Variants in PPFIBP2 observed in about 807,000 individuals in gnomAD.
PPFIBP2 encodes the protein PPFIB scaffold protein 2, also known as liprin-beta-2.
In PPFIBP2, 118 loss-of-function variants were observed where a neutral mutation model predicts 118.3. The observed-to-expected ratio is 1.00, with a 90% CI of 0.86 to 1.16. PPFIBP2 has a LOEUF of 1.16. Among genes scored for constraint, PPFIBP2 ranks in the 50% most tolerant of loss-of-function variants. The probability of loss-of-function intolerance (pLI) is 0.00; values close to 1 mark genes in which losing one functional copy is unlikely to be tolerated. For missense variants in PPFIBP2, 1,195 were observed against 1,073.1 expected, an observed-to-expected ratio of 1.11 and a Z score of -1.59; for synonymous variants, 414 against 397.4, an observed-to-expected ratio of 1.04 and a Z score of -0.50.
chr11:7,545,450 C>T (rs1215427563), intron 1 of PPFIBP2, among the ~76,000 whole-genome samples: 2 of 152,050 alleles, frequency 1.3e-5, no homozygotes, highest in African/African-American at 4.8e-5. Context: ...AAAAACAAAA[C>T]AAAACAAAAA....
At chr11:7,652,983 C>T in intron 23 of PPFIBP2, 41 bp from the exon 24 acceptor site, 1 of 1,575,036 alleles carries the variant, frequency 6.3e-7, no homozygotes, top group East Asian at 2.2e-5. Context: ...TGCACACTGC[C>T]TTGATTGCCT....
intron 3 of PPFIBP2, among the ~76,000 whole-genome samples, chr11:7,580,982 T>C (rs1252534933): frequency 6.6e-6 from 1 of 152,038 alleles, no homozygotes; most frequent in African/African-American, 2.4e-5. Context: ...CAGATCAAGG[T>C]CTCAAACCAA....
intron 3 of PPFIBP2, chr11:7,577,514 A>G: frequency 4.4e-6 from 2 of 455,418 alleles, no homozygotes; most frequent in Non-Finnish European, 4.4e-6. Flanking sequence ...GAGGCAAGGA[A>G]GAGGAGAGAA....
the PPFIBP2 span, chr11:7,665,995 C>G: frequency 7.8e-7 from 1 of 1,285,434 alleles, no homozygotes; most frequent in African/African-American, 1.5e-5. Flanking sequence ...CTGTGGGGTG[C>G]TCTGTGCACA....
intron 10 of PPFIBP2, 24 bp from the exon 11 acceptor site, chr11:7,630,901 G>T (rs369602709): frequency 2.6e-6 from 4 of 1,549,348 alleles, no homozygotes; most frequent in East Asian, 2.2e-5. Context: ...CAACAATTCA[G>T]TCTTACTACC....
chr11:7,665,066 T>C, the PPFIBP2 span: 63,784 of 208,332 alleles, frequency 0.31, 11,525 homozygotes, highest in Non-Finnish European at 0.39. Context: ...CCTGACTGCC[T>C]AGCACGTCCC....
intron 5 of PPFIBP2, among the ~76,000 whole-genome samples, chr11:7,603,303 C>CT (rs1392755543): frequency 1.3e-5 from 2 of 152,174 alleles, no homozygotes; most frequent in African/African-American, 4.8e-5. Context: ...AAAGTAGATA[C>CT]TTTAACTCCA....
intron 6 of PPFIBP2, among the ~76,000 whole-genome samples, chr11:7,618,471 A>AT (rs1219060313): frequency 6.6e-6 from 1 of 152,124 alleles, no homozygotes; most frequent in Non-Finnish European, 1.5e-5. Flanking sequence ...TCTGATTCTG[A>AT]TATCAGCTGG....
At chr11:7,599,561 G>A (rs1305315649) in intron 5 of PPFIBP2, among the ~76,000 whole-genome samples, 1 of 151,804 alleles carries the variant, frequency 6.6e-6, no homozygotes, top group Non-Finnish European at 1.5e-5. Flanking sequence ...GGGAGAGGCT[G>A]TCTAGTTCCT....
chr11:7,577,506 G>A, intron 3 of PPFIBP2: 1 of 454,014 alleles, frequency 2.2e-6, no homozygotes, highest in Non-Finnish European at 4.4e-6. Flanking sequence ...AGGGGGCAGA[G>A]GCAAGGAAGA....
intron 2 of PPFIBP2, among the ~76,000 whole-genome samples, chr11:7,564,681 G>T (rs1017900294): frequency 1.3e-5 from 2 of 152,196 alleles, no homozygotes; most frequent in African/African-American, 4.8e-5. Flanking sequence ...CAGTCGGGGT[G>T]GCTCATGGGG....
At chr11:7,544,955 A>G (rs1852181558) in intron 1 of PPFIBP2, among the ~76,000 whole-genome samples, 1 of 152,010 alleles carries the variant, frequency 6.6e-6, no homozygotes. Context: ...CTGGCTCCCT[A>G]GGAGATGCTG....
chr11:7,629,595 C>T (rs1248300122), intron 10 of PPFIBP2, 61 bp downstream of exon 10: 14 of 1,521,390 alleles, frequency 9.2e-6, no homozygotes, highest in Non-Finnish European at 1.3e-5. Context: ...TGTGTTAAAG[C>T]CAGGGGCAGT....
intron 3 of PPFIBP2, among the ~76,000 whole-genome samples, chr11:7,578,437 C>A (rs1374189665): frequency 6.6e-6 from 1 of 152,214 alleles, no homozygotes; most frequent in Non-Finnish European, 1.5e-5. Flanking sequence ...CAGGAAGTGT[C>A]CAGCTTGGAA....
chr11:7,618,455 T>C (rs4758207), intron 6 of PPFIBP2, among the ~76,000 whole-genome samples: 151,745 of 152,260 alleles, frequency 1, 75,616 homozygotes, highest in Middle Eastern at 1. Context: ...TAGGAACCTG[T>C]ACACTTCTGA....
Position 7,549,420 on chromosome 11 carries a change from T to C in PPFIBP2, c.-36-20T>C. The C allele has an allele frequency of 6.5e-7, 1 of 1,548,156 alleles. No individual in the cohort carries two copies. Among genetic ancestry groups the C allele is most frequent in the Non-Finnish European group, 8.7e-7 (1 of 1,143,856 alleles). Reference sequence around the variant, plus strand: ...GGAACTCTCTGTAATTTTTCCTTTGTTCTGTATTTGAATTTTCAGTAAGAA... The same window carrying C: ...GGAACTCTCTGTAATTTTTCCTTTGCTCTGTATTTGAATTTTCAGTAAGAA... On this transcript the variant is annotated intron_variant, in intron 1 of 23. Transcript: ENST00000299492.
intron 19 of PPFIBP2, 92 bp downstream of exon 19, chr11:7,649,003 T>C (rs1853565623): frequency 7.4e-7 from 1 of 1,357,924 alleles, no homozygotes; most frequent in Admixed American, 1.8e-5. Context: ...CAAGGACAGC[T>C]GTCTCCTTGT....
At chr11:7,576,865 AAAC>A (rs1233575415) in intron 3 of PPFIBP2, 1 of 152,322 alleles carries the variant, frequency 6.6e-6, no homozygotes, top group African/African-American at 2.4e-5. Context: ...TTTTTTTTGG[AAAC>A]AACAGGCTTT....
At chr11:7,649,111 T>A (rs371771905) in intron 19 of PPFIBP2, 36 bp from the exon 20 acceptor site, 4 of 1,584,114 alleles carry the variant, frequency 2.5e-6, no homozygotes, top group Non-Finnish European at 2.6e-6. Context: ...CTCATTCTCA[T>A]GAATCCTGAC....
Sources: gnomAD v4.1 joint callset for allele counts (sites outside exome capture counted in the v4.1 genomes callset) on GRCh38, gnomAD v4.1.1 for gene constraint, MANE v1.5 for transcripts, NCBI Gene and HGNC (gene_info 2026-07-23, HGNC 2026-07-21) for gene names.